The following ZRANB3 variants were observed in gnomAD, a reference collection of about 807,000 sequenced individuals.
ZRANB3 encodes zinc finger RANBP2-type containing 3, also known as DNA annealing helicase and endonuclease ZRANB3.
ZRANB3 carries 125 observed loss-of-function variants against 133.8 expected under a neutral mutation model. The observed-to-expected ratio is 0.93, with a 90% CI of 0.81 to 1.08. The LOEUF is 1.08. Ranked by LOEUF, ZRANB3 falls within the 50% of genes least tolerant of loss-of-function variation. The probability of loss-of-function intolerance (pLI) is 0.00; values close to 1 mark genes in which losing one functional copy is unlikely to be tolerated. For synonymous variants in ZRANB3, 387 were observed against 432.7 expected, an observed-to-expected ratio of 0.89 and a Z score of 1.31; for missense variants, 1,229 against 1,275.5, an observed-to-expected ratio of 0.96 and a Z score of 0.56.
At chr2:135,328,042 T>C (rs1558919747) in intron 6 of ZRANB3, among the ~76,000 whole-genome samples, 1 of 147,616 alleles carries the variant, frequency 6.8e-6, no homozygotes, top group Admixed American at 6.8e-5. Flanking sequence ...TGACTTTTAA[T>C]TTTTTTTTTT....
At chr2:135,244,433 C>T (rs1417897710) in intron 12 of ZRANB3, among the ~76,000 whole-genome samples, 1 of 152,088 alleles carries the variant, frequency 6.6e-6, no homozygotes, top group Non-Finnish European at 1.5e-5. Flanking sequence ...CGGTGAAACC[C>T]TGTCTCTACT....
At position 135,364,964 on chromosome 2, in the gene ZRANB3, G is replaced by A. The variant is rs569306099; in HGVS notation, c.181-11336C>T. Among the ~76,000 whole-genome samples the A allele has an allele frequency of 3.0e-3, 455 of 151,986 alleles. 3 individuals are homozygous for A. Among genetic ancestry groups the A allele is most frequent in the African/African-American group, 0.01 (423 of 41,492 alleles). On this transcript the variant is annotated intron_variant, in intron 3 of 20. Coordinates refer to ENST00000264159, the MANE Select transcript of ZRANB3 (RefSeq NM_032143.4). Reference sequence around the variant, plus strand: ...CTCGGGAGGCTGAGGCAGAAGAATCGCTTGAACCTGGAAGGCAGAGGTTGC... The same window carrying A: ...CTCGGGAGGCTGAGGCAGAAGAATCACTTGAACCTGGAAGGCAGAGGTTGC...
At chr2:135,249,243 G>A (rs1679247384) in intron 12 of ZRANB3, among the ~76,000 whole-genome samples, 1 of 152,170 alleles carries the variant, frequency 6.6e-6, no homozygotes, top group African/African-American at 2.4e-5. Context: ...TCCCATTACT[G>A]GGCATATGCC....
intron 2 of ZRANB3, among the ~76,000 whole-genome samples, chr2:135,448,747 G>A (rs1360518676): frequency 3.9e-5 from 6 of 152,146 alleles, no homozygotes; most frequent in Non-Finnish European, 7.4e-5. Flanking sequence ...AGACAAAAGA[G>A]CTCACAAAAA....
chr2:135,215,972 T>C (rs948855947), intron 17 of ZRANB3, among the ~76,000 whole-genome samples: 2 of 152,128 alleles, frequency 1.3e-5, no homozygotes, highest in Non-Finnish European at 2.9e-5. Flanking sequence ...TTGCTCCAAA[T>C]TGAAAACCAC....
intron 1 of ZRANB3, among the ~76,000 whole-genome samples, chr2:135,516,308 T>G (rs1176667096): frequency 6.6e-6 from 1 of 152,208 alleles, no homozygotes; most frequent in East Asian, 1.9e-4. Flanking sequence ...ATCCTGTCAT[T>G]ATGATACTAG....
At chr2:135,504,568 C>A in intron 1 of ZRANB3, 72 bp from the exon 2 acceptor site, 3 of 1,298,478 alleles carry the variant, frequency 2.3e-6, no homozygotes, top group South Asian at 1.6e-5. Flanking sequence ...TACAGAATCA[C>A]ATATAAATAA....
intron 2 of ZRANB3, among the ~76,000 whole-genome samples, chr2:135,481,240 A>G (rs2104793207): frequency 6.6e-6 from 1 of 150,950 alleles, no homozygotes; most frequent in Admixed American, 6.6e-5. Flanking sequence ...AACAGTGTAA[A>G]AGTGTTCCTA....
At chr2:135,502,868 T>C (rs1168966261) in intron 2 of ZRANB3, among the ~76,000 whole-genome samples, 1 of 152,202 alleles carries the variant, frequency 6.6e-6, no homozygotes. Context: ...ACACCAGATA[T>C]ATAACCTTAA....
chr2:135,279,288 G>A (rs776700126), intron 8 of ZRANB3, among the ~76,000 whole-genome samples: 1 of 152,108 alleles, frequency 6.6e-6, no homozygotes, highest in Non-Finnish European at 1.5e-5. Context: ...GACAGATTCT[G>A]CAAACTACAT....
intron 2 of ZRANB3, among the ~76,000 whole-genome samples, chr2:135,405,029 T>C (rs1687939884): frequency 6.6e-6 from 1 of 152,130 alleles, no homozygotes; most frequent in Non-Finnish European, 1.5e-5. Flanking sequence ...ACTGGCAAAT[T>C]GGATAAAGAG....
rs1441840469 is a variant in ZRANB3, at chr2:135,196,989, T to C, written c.*3353A>G. 1 of 152,212 alleles carries C rather than the reference T, an allele frequency of 6.6e-6. No individual in the cohort carries two copies. Among genetic ancestry groups the C allele is most frequent in the Non-Finnish European group, 1.5e-5 (1 of 68,038 alleles). The allele number at this position is 152,212 out of a possible 1,614,324, so 9.4% of individuals were successfully genotyped here. On this transcript the variant is annotated 3_prime_UTR_variant, in exon 21 of 21. Transcript: ENST00000264159. ...GCAGGTAGTTGGAACACAGAATGTA[T>C]TTTAATAACAGTGACATTTCTCAAT... is the stretch of plus-strand genomic sequence containing the variant.
At chr2:135,232,140 T>C (rs1304801404) in intron 12 of ZRANB3, among the ~76,000 whole-genome samples, 1 of 152,138 alleles carries the variant, frequency 6.6e-6, no homozygotes, top group Non-Finnish European at 1.5e-5. Flanking sequence ...CACCAGGAGA[T>C]TATATCCCGC....
chr2:135,452,193 C>A (rs1690304127), intron 2 of ZRANB3, among the ~76,000 whole-genome samples: 1 of 152,108 alleles, frequency 6.6e-6, no homozygotes, highest in Non-Finnish European at 1.5e-5. Flanking sequence ...CCTGATGAAC[C>A]CATCAGATCT....
intron 2 of ZRANB3, among the ~76,000 whole-genome samples, chr2:135,498,388 T>G (rs569112449): frequency 5.3e-5 from 8 of 152,290 alleles, no homozygotes; most frequent in African/African-American, 1.7e-4. Context: ...GAACATAAAT[T>G]GTGAAGATTT....
chr2:135,297,331 G>A (rs1193201450), intron 8 of ZRANB3, among the ~76,000 whole-genome samples: 1 of 152,192 alleles, frequency 6.6e-6, no homozygotes, highest in African/African-American at 2.4e-5. Flanking sequence ...TCAGACTGCT[G>A]TGCTAGCAAT....
In ZRANB3 at chr2:135,267,111, G is replaced by A. The variant is rs74838637; in HGVS notation, c.1387-1425C>T. Among the ~76,000 whole-genome samples the A allele has an allele frequency of 4.3e-3, 654 of 152,266 alleles. 8 individuals are homozygous for A. Among genetic ancestry groups the A allele is most frequent in the African/African-American group, 0.015 (611 of 41,550 alleles). Reference sequence around the variant, plus strand: ...AATAAATCTCTTAAAATATTTTACAGTTTGACTCTTCATTGACATCTAGTC... The same window carrying A: ...AATAAATCTCTTAAAATATTTTACAATTTGACTCTTCATTGACATCTAGTC... On this transcript the variant is annotated intron_variant, in intron 11 of 20. Transcript: ENST00000264159.
intron 2 of ZRANB3, among the ~76,000 whole-genome samples, chr2:135,416,690 A>G (rs977418571): frequency 4.6e-5 from 7 of 151,740 alleles, no homozygotes; most frequent in African/African-American, 1.2e-4. Flanking sequence ...GAGGCATCAC[A>G]CTACCTGACT....
At chr2:135,238,479 C>T (rs867945794) in intron 12 of ZRANB3, among the ~76,000 whole-genome samples, 13 of 151,642 alleles carry the variant, frequency 8.6e-5, no homozygotes, top group South Asian at 2.1e-4. Context: ...CTGCAACCTC[C>T]GCCTCCCGAA....
Sources: allele counts gnomAD v4.1 joint callset (sites outside exome capture counted in the v4.1 genomes callset), GRCh38; gene constraint gnomAD v4.1.1; transcripts MANE v1.5; gene names NCBI Gene and HGNC (gene_info 2026-07-23, HGNC 2026-07-21).